Variants in NFYC observed in about 807,000 individuals in gnomAD.
The protein encoded by NFYC is nuclear transcription factor Y subunit gamma.
In NFYC, 25 loss-of-function variants were observed where a neutral mutation model predicts 53.1. The observed-to-expected ratio is 0.47, with a 90% CI of 0.34 to 0.66. The LOEUF (loss-of-function observed/expected upper bound fraction) is 0.66, where lower values mean the gene tolerates loss of function less well. NFYC is among the 30% of genes least tolerant of loss of function. The pLI is 0.01. For missense variants in NFYC, 260 were observed against 422.7 expected (o/e 0.62, Z 3.38); for synonymous variants, 145 against 152.6 (o/e 0.95, Z 0.37).
At chr1:40,756,882 A>AT (rs1488382432) in intron 5 of NFYC, among the ~76,000 whole-genome samples, 1 of 152,232 alleles carries the variant, frequency 6.6e-6, no homozygotes. Context: ...GGTGCTTAAC[A>AT]TTTTAGTAGA....
intron 6 of NFYC, among the ~76,000 whole-genome samples, chr1:40,762,462 T>C (rs1646596106): frequency 6.6e-6 from 1 of 152,250 alleles, no homozygotes; most frequent in African/African-American, 2.4e-5. Flanking sequence ...CTGAACTAAA[T>C]AAATTCATAC....
rs1016135843 is a variant in NFYC at position 40,770,225 on chromosome 1, A to G, written c.889-484A>G. 4 of 676,710 alleles carry G rather than the reference A, an allele frequency of 5.9e-6. No homozygotes were observed. The highest frequency in any genetic ancestry group is 2.9e-5 in the Admixed American group (1 of 34,300). 41.9% of individuals were successfully genotyped at this position (676,710 alleles called of 1,614,324 possible). A position where few individuals can be genotyped will look rare whatever the true frequency, so the allele number is the denominator to read the frequency against. ...CCAGGCCACCTCCTTAGCAGGGTCC[A>G]TGGAGAAAATTCAAATTCAGTTTAG... On this transcript the variant is annotated intron_variant, in intron 9 of 9. Coordinates refer to ENST00000447388, the MANE Select transcript of NFYC (RefSeq NM_014223.5). The surrounding 1 kb of genome is among the most constrained non-coding windows in gnomAD (Gnocchi z 5.3).
intron 5 of NFYC, among the ~76,000 whole-genome samples, chr1:40,755,072 G>T (rs550787326): frequency 4.8e-4 from 73 of 152,252 alleles, no homozygotes; most frequent in Non-Finnish European, 7.4e-5. Context: ...CTTCAAATTG[G>T]CTGGCACCTC....
rs1485117904 is a variant in NFYC, at chr1:40,710,022, A to C, written c.-9+18155A>C. Among the ~76,000 whole-genome samples the C allele has an allele frequency of 3.3e-5, 5 of 152,372 alleles. No individual in the cohort carries two copies. In the East Asian group the frequency reaches 9.6e-4, roughly 29 times the overall value. On this transcript the variant is annotated intron_variant, in intron 1 of 9. Coordinates refer to ENST00000447388, the MANE Select transcript of NFYC (RefSeq NM_014223.5). ...CATCTGTGTTTTCAGATATGGAAGCAACACTGTTGCTGTTAGAAATTTGTG... is the reference window on the plus strand; with the variant it reads ...CATCTGTGTTTTCAGATATGGAAGCCACACTGTTGCTGTTAGAAATTTGTG...
chr1:40,722,125 C>T (rs912816184), intron 1 of NFYC, among the ~76,000 whole-genome samples: 1 of 152,070 alleles, frequency 6.6e-6, no homozygotes, highest in Non-Finnish European at 1.5e-5. Context: ...GAGCCAAGAT[C>T]ATGCTACTGC....
At chr1:40,739,775 A>G (rs1388517562) in intron 2 of NFYC, among the ~76,000 whole-genome samples, 2 of 152,242 alleles carry the variant, frequency 1.3e-5, no homozygotes, top group Non-Finnish European at 2.9e-5. Context: ...CACAGAGGAC[A>G]TAGTGCTTGA....
At chr1:40,697,090 G>C (rs946909097) in intron 1 of NFYC, among the ~76,000 whole-genome samples, 1 of 152,226 alleles carries the variant, frequency 6.6e-6, no homozygotes, top group Non-Finnish European at 1.5e-5. Context: ...TGCTGGAGCA[G>C]GTTCTTAACT....
chr1:40,767,035 C>T lies in NFYC; in HGVS notation c.828+332C>T, dbSNP rs1646848678. 11 of 1,500,562 alleles carry T rather than the reference C, an allele frequency of 7.3e-6. No homozygotes were observed. The South Asian group carries it at 1.3e-4, about 18-fold the overall frequency. 93.0% of individuals were successfully genotyped at this position (1,500,562 alleles called of 1,614,324 possible). On this transcript the variant is annotated intron_variant, in intron 8 of 9. Coordinates refer to ENST00000447388, the MANE Select transcript of NFYC (RefSeq NM_014223.5). ...AGATCGCCTGATCGTCAGGCTGTTT[C>T]CATCTTTAAACCCAAGTGGCTGTTG...
At chr1:40,756,589 C>T (rs1037555970) in intron 5 of NFYC, among the ~76,000 whole-genome samples, 9 of 152,174 alleles carry the variant, frequency 5.9e-5, no homozygotes, top group Non-Finnish European at 1.0e-4. Flanking sequence ...ACAAAGGATA[C>T]TCAGCTCTGT....
intron 1 of NFYC, chr1:40,723,567 C>A (rs567616936): frequency 7.2e-5 from 11 of 152,366 alleles, no homozygotes; most frequent in Non-Finnish European, 1.5e-4. Flanking sequence ...AGCTTCTCAA[C>A]TTCTAGTGTC....
At chr1:40,693,584 A>G (rs924799702) in intron 1 of NFYC, among the ~76,000 whole-genome samples, 1 of 152,214 alleles carries the variant, frequency 6.6e-6, no homozygotes, top group African/African-American at 2.4e-5. Context: ...TTTGGGGCAT[A>G]TTTTAACTCC....
At chr1:40,769,036 A>G (rs897902205) in intron 8 of NFYC, 1 of 288,174 alleles carries the variant, frequency 3.5e-6, no homozygotes, top group Non-Finnish European at 6.8e-6. Context: ...CATAGCACCT[A>G]GGGTCCATGT....
intron 1 of NFYC, among the ~76,000 whole-genome samples, chr1:40,721,128 AT>A (rs1168253323): frequency 2.6e-5 from 4 of 152,176 alleles, no homozygotes; most frequent in Admixed American, 6.5e-5. Flanking sequence ...AATAGATTTG[AT>A]TGTGTGCCAG....
At chr1:40,759,847 A>G (rs368920102) in intron 6 of NFYC, among the ~76,000 whole-genome samples, 1 of 152,144 alleles carries the variant, frequency 6.6e-6, no homozygotes, top group East Asian at 1.9e-4. Context: ...GGGACCATCT[A>G]CGCAAGTTTG....
At chr1:40,728,494 G>T (rs1195712894) in intron 1 of NFYC, among the ~76,000 whole-genome samples, 1 of 151,858 alleles carries the variant, frequency 6.6e-6, no homozygotes, top group Non-Finnish European at 1.5e-5. Flanking sequence ...CTACTCGGGA[G>T]GCTGGGCATG....
At chr1:40,740,833 G>T (rs932073104) in intron 2 of NFYC, among the ~76,000 whole-genome samples, 3 of 152,058 alleles carry the variant, frequency 2.0e-5, no homozygotes, top group African/African-American at 7.2e-5. Context: ...AGCTTGAGCC[G>T]AGAGGCATAA....
chr1:40,731,244 G>C (rs1644755610), intron 1 of NFYC, among the ~76,000 whole-genome samples: 1 of 152,042 alleles, frequency 6.6e-6, no homozygotes, highest in South Asian at 2.1e-4. Flanking sequence ...GCATGATCTT[G>C]GTTCACTGCA....
At chr1:40,766,738 G>A in intron 8 of NFYC, 35 bp downstream of exon 8, 18 of 1,590,252 alleles carry the variant, frequency 1.1e-5, no homozygotes, top group Non-Finnish European at 1.6e-5. Flanking sequence ...CTGTGTTGGA[G>A]ACCAGGAGCA....
intron 1 of NFYC, among the ~76,000 whole-genome samples, chr1:40,715,967 C>CT (rs1349589062): frequency 1.3e-5 from 2 of 152,208 alleles, no homozygotes; most frequent in Admixed American, 6.5e-5. Context: ...CCGTTTTGGT[C>CT]TGTTTCCATA....
Sources: gnomAD v4.1 joint callset for allele counts (sites outside exome capture counted in the v4.1 genomes callset) on GRCh38, gnomAD v4.1.1 for gene constraint, Gnocchi (gnomAD v3.1) non-coding constraint, MANE v1.5 for transcripts, NCBI Gene and HGNC (gene_info 2026-07-23, HGNC 2026-07-21) for gene names.